CPN1: variants seen among roughly 807,000 people sequenced by gnomAD.
The protein encoded by CPN1 is carboxypeptidase N subunit 1, also known as carboxypeptidase N catalytic chain.
CPN1 carries 37 observed loss-of-function variants against 46.4 expected under a neutral mutation model. That is an observed-to-expected ratio of 0.80 (90% CI 0.61 to 1.05). The LOEUF (loss-of-function observed/expected upper bound fraction) is 1.05. CPN1 is among the 50% of genes least tolerant of loss of function. The pLI, the probability that CPN1 is intolerant of heterozygous loss-of-function variation, is 0.00. For missense variants in CPN1, 563 were observed against 602.6 expected (o/e 0.93, Z 0.69); for synonymous variants, 224 against 235.4 (o/e 0.95, Z 0.44).
At chr10:100,076,346 T>C (rs2041515299) in intron 1 of CPN1, among the ~76,000 whole-genome samples, 1 of 152,304 alleles carries the variant, frequency 6.6e-6, no homozygotes, top group Middle Eastern at 3.4e-3. Flanking sequence ...ACTAGACAGT[T>C]ATGTTCAATA....
In CPN1 at chr10:100,065,345, A is replaced by C; in HGVS notation, c.602T>G (p.Ile201Ser). 1 of 1,614,158 alleles carries C rather than the reference A, an allele frequency of 6.2e-7. No homozygotes were observed. Among genetic ancestry groups the C allele is most frequent in the Non-Finnish European group, 8.5e-7 (1 of 1,180,014 alleles). Residue 201 changes from isoleucine (I) to serine (S), a missense_variant, in exon 4 of 9, where the codon ATC becomes AGC. Transcript: ENST00000370418. ...AAAGTTGAAGGAGTGCATCCACCGG[A>C]TCACCGCCCGGGTCTCGGGTTCCAC... ...SQVEPETRAV[I>S]RWMHSFNFVL...
In CPN1 at chr10:100,069,798, A is replaced by G. The variant is rs767473974; in HGVS notation, c.492T>C (p.Pro164=). 6.2e-6 allele frequency: 10 copies of G among 1,613,990 alleles called. No homozygotes were observed. In the South Asian group the frequency reaches 7.7e-5, roughly 12 times the overall value. ...TATAGTAGATATAGGTATTGAGATC[A>G]GGGAAGTTGCGGTTCAGGTCCACTC... ...ANGVDLNRNF[P]DLNTYIYYNE... The change falls in exon 3 of 9, where the codon CCT becomes CCC. Residue 164 remains proline (P), a synonymous_variant. Transcript: ENST00000370418.
In CPN1 at chr10:100,081,451, G is replaced by A; in HGVS notation, c.175C>T (p.His59Tyr). Residue 59 changes from histidine (H) to tyrosine (Y), a missense_variant, in exon 1 of 9, where the codon CAC becomes TAC. His to Tyr is a moderately conservative substitution (Grantham distance 83). Transcript: ENST00000370418. ...TCGCTGAACTCCAGCACGTAGAGGT[G>A]TCTCCCCTCCACGCTGCGCCCAATG... The part of the protein sequence containing the change: ...YSIGRSVEGR[H>Y]LYVLEFSDHP... The A allele has an allele frequency of 6.2e-7, 1 of 1,613,954 alleles. No individual in the cohort carries two copies. The highest frequency in any genetic ancestry group is 8.5e-7 in the Non-Finnish European group (1 of 1,180,048).
At chr10:100,074,598 G>A (rs2041503864) in intron 2 of CPN1, among the ~76,000 whole-genome samples, 1 of 152,090 alleles carries the variant, frequency 6.6e-6, no homozygotes, top group African/African-American at 2.4e-5. Flanking sequence ...TGTATATTTA[G>A]TAGAGACAGG....
intron 8 of CPN1, among the ~76,000 whole-genome samples, chr10:100,045,375 C>A (rs2041302096): frequency 6.6e-6 from 1 of 152,010 alleles, no homozygotes; most frequent in African/African-American, 2.4e-5. Context: ...GGAAAGAGGA[C>A]CCCAGATCAG....
Position 100,042,580 on chromosome 10 carries a change from G to T in CPN1, c.1231-7C>A. 1 of 1,613,760 alleles carries T rather than the reference G, an allele frequency of 6.2e-7. No homozygotes were observed. Among genetic ancestry groups the T allele is most frequent in the Non-Finnish European group, 8.5e-7 (1 of 1,179,936 alleles). ...TTTTGAGGTGGAAGTTAACCTGGAA[G>T]AAAAAAAGCAGGAGCTACGAGATCC... On this transcript the variant is annotated splice_region_variant and splice_polypyrimidine_tract_variant and intron_variant, in intron 8 of 8. Transcript: ENST00000370418.
intron 3 of CPN1, 70 bp from the exon 4 acceptor site, chr10:100,065,440 G>A: frequency 6.4e-7 from 1 of 1,567,076 alleles, no homozygotes; most frequent in South Asian, 1.1e-5. Context: ...GTTAGAGTAA[G>A]TCTGTCAGGA....
chr10:100,070,721 C>A (rs2041479337), intron 2 of CPN1, among the ~76,000 whole-genome samples: 1 of 152,148 alleles, frequency 6.6e-6, no homozygotes, highest in Non-Finnish European at 1.5e-5. Context: ...GTACATATCT[C>A]AAGAGAAGTT....
intron 5 of CPN1, among the ~76,000 whole-genome samples, chr10:100,062,188 T>C (rs1275295930): frequency 1.3e-5 from 2 of 152,182 alleles, no homozygotes; most frequent in African/African-American, 4.8e-5. Flanking sequence ...TAGAGAATGA[T>C]TCCTAAAAGA....
chr10:100,065,051 G>C, intron 4 of CPN1, 137 bp downstream of exon 4: 1 of 1,012,760 alleles, frequency 9.9e-7, no homozygotes, highest in South Asian at 1.7e-5. Context: ...TTACTAGACT[G>C]TAAGCTCCTC....
chr10:100,076,018 C>T lies in CPN1; in HGVS notation c.313G>A (p.Glu105Lys), dbSNP rs770703494. 6.2e-6 allele frequency: 10 copies of T among 1,614,136 alleles called. No homozygotes were observed. Among genetic ancestry groups the T allele is most frequent in the East Asian group, 2.2e-5 (1 of 44,880 alleles). ...LMLQLSEFLC[E>K]EFRNRNQRIV... Reference sequence around the variant, plus strand: ...CGCTGGTTCCTGTTCCGGAACTCCTCGCACAGAAACTCCGACAGCTGCAGC... The same window carrying T: ...CGCTGGTTCCTGTTCCGGAACTCCTTGCACAGAAACTCCGACAGCTGCAGC... The change falls in exon 2 of 9, where the codon GAG becomes AAG. Residue 105 changes from glutamate (E) to lysine (K), a missense_variant. Glu to Lys is a moderately conservative substitution (Grantham distance 56). Coordinates refer to ENST00000370418, the MANE Select transcript of CPN1 (RefSeq NM_001308.3).
intron 2 of CPN1, 141 bp downstream of exon 2, chr10:100,075,770 G>A: frequency 1.1e-6 from 1 of 943,802 alleles, no homozygotes; most frequent in South Asian, 1.5e-5. Flanking sequence ...ATTTCTGATG[G>A]ATTTTTTCTC....
In CPN1 at chr10:100,045,410, A is replaced by G. The variant is rs184583718; in HGVS notation, c.1231-2837T>C. ...GCTCATAGGCTGCAATGAAAGATTT[A>G]CTCTCTGTTTCCTGCAACTGTAAGC... On this transcript the variant is annotated intron_variant, in intron 8 of 8. Transcript: ENST00000370418. Among the ~76,000 whole-genome samples the G allele has an allele frequency of 1.3e-3, 196 of 152,194 alleles. 2 individuals are homozygous for G. Among genetic ancestry groups the G allele is most frequent in the African/African-American group, 4.6e-3 (189 of 41,530 alleles).
chr10:100,047,289 GT>G (rs1429486608), intron 8 of CPN1, among the ~76,000 whole-genome samples: 1 of 152,018 alleles, frequency 6.6e-6, no homozygotes, highest in Non-Finnish European at 1.5e-5. Context: ...GACCTATCTT[GT>G]TTGACTGTAG....
chr10:100,055,927 T>C (rs1439883139), intron 6 of CPN1, among the ~76,000 whole-genome samples: 2 of 152,262 alleles, frequency 1.3e-5, no homozygotes, highest in Non-Finnish European at 2.9e-5. Flanking sequence ...CTCCCACTTT[T>C]TGGCTATTGT....
At chr10:100,066,044 C>G (rs1157664844) in intron 3 of CPN1, among the ~76,000 whole-genome samples, 1 of 152,030 alleles carries the variant, frequency 6.6e-6, no homozygotes, top group Non-Finnish European at 1.5e-5. Context: ...CAGCCTCCAC[C>G]TCCCGGACTC....
At chr10:100,068,152 C>G (rs1053741070) in intron 3 of CPN1, among the ~76,000 whole-genome samples, 2 of 124,604 alleles carry the variant, frequency 1.6e-5, no homozygotes, top group African/African-American at 6.8e-5. Context: ...AAGACTCTGT[C>G]TCAAAAAAAA....
chr10:100,046,182 C>T (rs1323983326), intron 8 of CPN1, among the ~76,000 whole-genome samples: 2 of 152,146 alleles, frequency 1.3e-5, no homozygotes, highest in Non-Finnish European at 2.9e-5. Context: ...AAGATCAGGG[C>T]CCAGGGAGCA....
At chr10:100,079,642 T>C (rs2041533108) in intron 1 of CPN1, among the ~76,000 whole-genome samples, 1 of 152,242 alleles carries the variant, frequency 6.6e-6, no homozygotes, top group African/African-American at 2.4e-5. Flanking sequence ...TGGCCTTCTA[T>C]GAGCCTCCTC....
Sources: allele counts gnomAD v4.1 joint callset (sites outside exome capture counted in the v4.1 genomes callset), GRCh38; gene constraint gnomAD v4.1.1; transcripts MANE v1.5; gene names NCBI Gene and HGNC (gene_info 2026-07-23, HGNC 2026-07-21).